Variants in CDC14B observed in about 807,000 individuals in gnomAD.
The protein encoded by CDC14B is dual specificity protein phosphatase CDC14B.
Under a neutral mutation model 64.2 loss-of-function variants are expected in CDC14B, and 22 were observed. The observed-to-expected ratio is 0.34, with a 90% CI of 0.24 to 0.49. The LOEUF is 0.49. Ranked by LOEUF, CDC14B falls within the 20% of genes least tolerant of loss-of-function variation. CDC14B has a pLI of 0.99. For missense variants in CDC14B, 498 were observed against 629.9 expected (o/e 0.79, Z 2.24); for synonymous variants, 191 against 215.8 (o/e 0.89, Z 1.01).
At chr9:96,495,249 A>T (rs182080419), downstream of CDC14B, among the ~76,000 whole-genome samples, 496 of 152,302 alleles carry the variant, frequency 3.3e-3, 2 homozygotes, top group Non-Finnish European at 4.9e-3. Flanking sequence ...CAACTTGTAC[A>T]TAAACCCACA....
intron 1 of CDC14B, among the ~76,000 whole-genome samples, chr9:96,610,675 T>C (rs2119010939): frequency 6.6e-6 from 1 of 151,138 alleles, no homozygotes; most frequent in South Asian, 2.1e-4. Flanking sequence ...GGAGTAGCTG[T>C]TATAGTTATA....
chr9:96,498,739 C>G (rs1449135747), downstream of CDC14B, among the ~76,000 whole-genome samples: 1 of 152,228 alleles, frequency 6.6e-6, no homozygotes, highest in Admixed American at 6.5e-5. Context: ...CTGTTTTAAG[C>G]ACTTTCCACG....
At chr9:96,600,030 G>A (rs936685066) in intron 1 of CDC14B, among the ~76,000 whole-genome samples, 12 of 151,744 alleles carry the variant, frequency 7.9e-5, no homozygotes, top group South Asian at 4.2e-4. Context: ...ATACCTGGCC[G>A]TTATTTCTAA....
At chr9:96,526,245 G>A (rs1277535576) in intron 9 of CDC14B, among the ~76,000 whole-genome samples, 1 of 152,186 alleles carries the variant, frequency 6.6e-6, no homozygotes, top group Non-Finnish European at 1.5e-5. Context: ...GCAGGCACCT[G>A]TAGTCCCAGC....
chr9:96,618,810 G>C (rs1588091565), intron 1 of CDC14B: 1 of 344,380 alleles, frequency 2.9e-6, no homozygotes, highest in East Asian at 9.1e-5. Flanking sequence ...ATCCTCAGGG[G>C]CTGATTCAGA....
At chr9:96,496,469 C>A (rs1044589756), downstream of CDC14B, 6 of 415,074 alleles carry the variant, frequency 1.4e-5, no homozygotes, top group Non-Finnish European at 2.4e-5. Context: ...CTTCCTGGGC[C>A]GCTAACTCTC....
chr9:96,594,878 C>A (rs780772183), intron 1 of CDC14B, among the ~76,000 whole-genome samples: 1 of 152,032 alleles, frequency 6.6e-6, no homozygotes, highest in Non-Finnish European at 1.5e-5. Context: ...CTTGGCTGGG[C>A]GCGGTGGCTC....
At chr9:96,530,468 C>T (rs1838292344) in intron 9 of CDC14B, among the ~76,000 whole-genome samples, 1 of 139,402 alleles carries the variant, frequency 7.2e-6, no homozygotes, top group Non-Finnish European at 1.5e-5. Context: ...TTAGTAGAGG[C>T]GGGGTTTCAC....
chr9:96,612,269 C>A (rs1847369275), intron 1 of CDC14B, among the ~76,000 whole-genome samples: 1 of 152,232 alleles, frequency 6.6e-6, no homozygotes, highest in African/African-American at 2.4e-5. Flanking sequence ...TGCTGATTCA[C>A]TGAACCTTTT....
Position 96,564,210 on chromosome 9 carries a change from G to T in CDC14B, c.327+567C>A, listed in dbSNP as rs112184803. ...TTCAGTGTTTTACATACATGAATGTGGTCTAAGTTCAAACCAATACAAATA... is the reference window on the plus strand; with the variant it reads ...TTCAGTGTTTTACATACATGAATGTTGTCTAAGTTCAAACCAATACAAATA... On this transcript the variant is annotated intron_variant, in intron 3 of 13. Transcript: ENST00000375241. Among the ~76,000 whole-genome samples the T allele has an allele frequency of 9.2e-4, 140 of 152,198 alleles. 1 individual carries two copies. Among genetic ancestry groups the T allele is most frequent in the Non-Finnish European group, 1.4e-3 (94 of 68,010 alleles).
chr9:96,542,447 T>C (rs1390786019), intron 5 of CDC14B, among the ~76,000 whole-genome samples: 2 of 152,150 alleles, frequency 1.3e-5, no homozygotes, highest in South Asian at 2.1e-4. Context: ...TTTGTTGCTA[T>C]CGTTATCCTA....
In CDC14B at chr9:96,523,611, C is replaced by T; in HGVS notation, c.1061G>A (p.Gly354Glu). The T allele has an allele frequency of 7.4e-6, 12 of 1,614,164 alleles. No individual in the cohort carries two copies. Among genetic ancestry groups the T allele is most frequent in the Non-Finnish European group, 1.0e-5 (12 of 1,180,034 alleles). ...VRICRPGSVI[G>E]PQQQFLVMKQ... ...CATCACCAAAAACTGCTGCTGAGGC[C>T]CAATCACCGAGCCAGGTCTGCAGAT... The change falls in exon 10 of 14, where the codon GGG becomes GAG. Residue 354 changes from glycine to glutamate, a missense_variant. Coordinates refer to ENST00000375241, the MANE Select transcript of CDC14B (RefSeq NM_033331.4).
chr9:96,562,275 A>T (rs193231011), intron 4 of CDC14B, among the ~76,000 whole-genome samples: 184 of 152,278 alleles, frequency 1.2e-3, no homozygotes, highest in African/African-American at 3.9e-3. Flanking sequence ...AGCACTTTTT[A>T]AAAAAATTTT....
At chr9:96,606,539 G>GTGTGTGTC (rs1846948153) in intron 1 of CDC14B, among the ~76,000 whole-genome samples, 1 of 136,216 alleles carries the variant, frequency 7.3e-6, no homozygotes, top group Admixed American at 7.2e-5. Flanking sequence ...GTGTGTGTGT[G>GTGTGTGTC]TGTGTGTGTG....
intron 13 of CDC14B, among the ~76,000 whole-genome samples, chr9:96,505,151 A>C (rs987434373): frequency 6.6e-6 from 1 of 151,800 alleles, no homozygotes; most frequent in African/African-American, 2.4e-5. Context: ...ACAGCACTCC[A>C]GCCTGGGTAA....
intron 9 of CDC14B, among the ~76,000 whole-genome samples, chr9:96,533,123 C>T (rs1370953295): frequency 6.6e-6 from 1 of 152,114 alleles, no homozygotes; most frequent in Non-Finnish European, 1.5e-5. Context: ...TCCGTCACCA[C>T]ACCCAGCTAA....
At chr9:96,594,334 A>G (rs1303988820) in intron 1 of CDC14B, among the ~76,000 whole-genome samples, 2 of 152,210 alleles carry the variant, frequency 1.3e-5, no homozygotes, top group Non-Finnish European at 2.9e-5. Flanking sequence ...AGCTGCACAG[A>G]ATAGAGAACC....
At chr9:96,608,836 T>C (rs977548976) in intron 1 of CDC14B, among the ~76,000 whole-genome samples, 2 of 152,010 alleles carry the variant, frequency 1.3e-5, no homozygotes, top group African/African-American at 4.8e-5. Context: ...TACTTATATA[T>C]GATCAGTTAC....
Position 96,515,855 on chromosome 9 carries a change from A to G in CDC14B, c.1344-6066T>C, listed in dbSNP as rs956947737. On this transcript the variant is annotated intron_variant, in intron 12 of 13. Coordinates refer to ENST00000375241, the MANE Select transcript of CDC14B (RefSeq NM_033331.4). This position sits in a 1 kb window ranked among gnomAD's most constrained non-coding sequence, Gnocchi z 4.3. ...TTGGGAAGCCAAAATAAATTACGCA[A>G]TCATCAATCAATCAAGCCATATGTG... is the stretch of plus-strand genomic sequence containing the variant. The G allele has an allele frequency of 6.3e-5, 92 of 1,451,438 alleles. No homozygotes were observed. The highest frequency in any genetic ancestry group is 2.1e-4 in the South Asian group (16 of 74,546). 89.9% of individuals were successfully genotyped at this position (1,451,438 alleles called of 1,614,324 possible).
Sources: gnomAD v4.1 joint callset for allele counts (sites outside exome capture counted in the v4.1 genomes callset) on GRCh38, gnomAD v4.1.1 for gene constraint, Gnocchi (gnomAD v3.1) non-coding constraint, MANE v1.5 for transcripts, NCBI Gene and HGNC (gene_info 2026-07-23, HGNC 2026-07-21) for gene names.